NECTIN4: variants seen among roughly 807,000 people sequenced by gnomAD.
NECTIN4 encodes the protein nectin-4.
A neutral mutation model predicts 51.7 loss-of-function variants in NECTIN4; 19 were observed. That is an observed-to-expected ratio of 0.37 (90% CI 0.26 to 0.54). The LOEUF is 0.54. NECTIN4 is among the 20% of genes least tolerant of loss of function. NECTIN4 has a pLI of 0.86. For synonymous variants in NECTIN4, 283 were observed against 286.9 expected (o/e 0.99, Z 0.14); for missense variants, 619 against 662.4 (o/e 0.93, Z 0.72).
intron 3 of NECTIN4, among the ~76,000 whole-genome samples, chr1:161,077,182 C>T (rs1390914009): frequency 6.6e-6 from 1 of 152,208 alleles, no homozygotes; most frequent in Admixed American, 6.5e-5. Flanking sequence ...TTAGAAAGTG[C>T]TTTCAATTCC....
chr1:161,079,388 T>A (rs550141902), intron 2 of NECTIN4, among the ~76,000 whole-genome samples: 1 of 152,328 alleles, frequency 6.6e-6, no homozygotes, highest in African/African-American at 2.4e-5. Context: ...AATAAATGGA[T>A]TCTTCCCCAG....
At chr1:161,074,970 C>G (rs545418624) in intron 4 of NECTIN4, among the ~76,000 whole-genome samples, 1 of 152,196 alleles carries the variant, frequency 6.6e-6, no homozygotes, top group East Asian at 1.9e-4. Context: ...CCACACACAC[C>G]CGGGGAAGAT....
intron 1 of NECTIN4, chr1:161,087,021 G>A (rs1247716354): frequency 1.3e-5 from 2 of 152,324 alleles, no homozygotes; most frequent in Middle Eastern, 3.4e-3. Context: ...CCTAGCTCTC[G>A]GTCTACTGAA....
rs1653592611 is a variant in NECTIN4, at chr1:161,079,795, T to C, written c.234A>G (p.Glu78=). ...CGTATTTGGAGTGCAGTAGCGCTAG[T>C]TCCTGGGCGCCTTCGCCCGCGTCCA... ...ARVDAGEGAQ[E]LALLHSKYGL... The change falls in exon 2 of 9, where the codon GAA becomes GAG. Residue 78 remains glutamate (E), a synonymous_variant. Coordinates refer to ENST00000368012, the MANE Select transcript of NECTIN4 (RefSeq NM_030916.3). 2 of 1,613,268 alleles carry C rather than the reference T, an allele frequency of 1.2e-6. No individual in the cohort carries two copies. The highest frequency in any genetic ancestry group is 1.1e-5 in the South Asian group (1 of 91,094).
rs138257801 is a variant in NECTIN4, at chr1:161,072,717, G to A, written c.1477C>T (p.Arg493Trp). ...NHFVQENGTL[R>W]AKPTGNGIYI... The stretch of plus-strand genomic sequence containing the variant: ...ATGCCATTGCCCGTGGGCTTGGCCC[G>A]TAGGGTCCCATTCTCCTGAACAAAA... Residue 493 changes from arginine (R) to tryptophan (W), a missense_variant, in exon 9 of 9, where the codon CGG (arginine) becomes TGG (tryptophan). By Grantham distance (101) the Arg-to-Trp change is moderately radical. Coordinates refer to ENST00000368012, the MANE Select transcript of NECTIN4 (RefSeq NM_030916.3). 5.6e-5 allele frequency: 91 copies of A among 1,614,210 alleles called. No homozygotes were observed. The Middle Eastern group carries it at 6.6e-4, about 12-fold the overall frequency.
intron 8 of NECTIN4, 43 bp downstream of exon 8, chr1:161,073,182 C>T (rs111652620): frequency 6.4e-7 from 1 of 1,561,306 alleles, no homozygotes; most frequent in South Asian, 1.1e-5. Context: ...GGACAGGGGC[C>T]CGAGGAGAGT....
intron 5 of NECTIN4, 24 bp from the exon 6 acceptor site, chr1:161,074,397 G>A: frequency 6.2e-7 from 1 of 1,613,692 alleles, no homozygotes; most frequent in Non-Finnish European, 8.5e-7. Flanking sequence ...GCCACTGTCT[G>A]AGGTGGAAGC....
chr1:161,075,035 G>A (rs1006750211), intron 4 of NECTIN4, among the ~76,000 whole-genome samples: 2 of 82,952 alleles, frequency 2.4e-5, no homozygotes, highest in African/African-American at 9.2e-5. Context: ...CCAACACTGG[G>A]TACCAGGTAC....
chr1:161,073,261 A>C lies in NECTIN4; in HGVS notation c.1272T>G (p.Pro424=), dbSNP rs1653260516. ...ESVGLRAEGH[P]DSLKDNSSCS... ...AGCTACTGTTGTCCTTGAGACTATC[A>C]GGGTGGCCCTCGGCTCTCAGCCCTA... Residue 424 remains proline (P), a synonymous_variant, in exon 8 of 9, where the codon CCT becomes CCG. Transcript: ENST00000368012. 1 of 1,613,978 alleles carries C rather than the reference A, an allele frequency of 6.2e-7. No individual in the cohort carries two copies. The highest frequency in any genetic ancestry group is 1.3e-5 in the African/African-American group (1 of 74,892).
rs1015351011 is a variant in NECTIN4 at position 161,089,310 on chromosome 1, A to G, written c.-14T>C. The G allele has an allele frequency of 2.5e-6, 4 of 1,606,380 alleles. No homozygotes were observed. The Admixed American group carries it at 6.7e-5, about 27-fold the overall frequency. On this transcript the variant is annotated 5_prime_UTR_variant, in exon 1 of 9. Transcript: ENST00000368012. The surrounding 1 kb of genome is among the most constrained non-coding windows in gnomAD (Gnocchi z 4.1). ...GGACAGGGGCATGGTTGAAAGGCAG[A>G]CTGCCCAGCGTTTCTGAAGTTCCAC...
At chr1:161,085,891 C>T in intron 1 of NECTIN4, among the ~76,000 whole-genome samples, 1 of 152,004 alleles carries the variant, frequency 6.6e-6, no homozygotes, top group African/African-American at 2.4e-5. Flanking sequence ...TGCCGTGTTG[C>T]CCAGGCTGGT....
At chr1:161,072,925 AG>A in intron 8 of NECTIN4, 40 bp from the exon 9 acceptor site, 1 of 1,569,810 alleles carries the variant, frequency 6.4e-7, no homozygotes. Context: ...GAACAAAGGC[AG>A]GGCAGCTGCA....
In NECTIN4 at chr1:161,073,298, G is replaced by A. The variant is rs756865692; in HGVS notation, c.1235C>T (p.Pro412Leu). The change falls in exon 8 of 9, where the codon CCG (proline) becomes CTG (leucine). Residue 412 changes from proline to leucine, a missense_variant and splice_region_variant. Around this residue, in one of 3 missense-constraint regions of NECTIN4, gnomAD observed 364 missense variants for 415.7 expected, o/e 0.88. Coordinates refer to ENST00000368012, the MANE Select transcript of NECTIN4 (RefSeq NM_030916.3). ...HSHHTDPRSQ[P>L]EESVGLRAEG... ...GGCTCTCAGCCCTACACTCTCCTCCGGCTGCAGGGCCCAGACACGGGGCAG... is the reference window on the plus strand; with the variant it reads ...GGCTCTCAGCCCTACACTCTCCTCCAGCTGCAGGGCCCAGACACGGGGCAG... 59 of 1,613,798 alleles carry A rather than the reference G, an allele frequency of 3.7e-5. No homozygotes were observed. The South Asian group carries it at 3.7e-4, about 10-fold the overall frequency.
Position 161,087,328 on chromosome 1 carries a change from TG to T in NECTIN4, c.79+1889del, listed in dbSNP as rs1244725519. 4 of 152,118 alleles carry T rather than the reference TG, an allele frequency of 2.6e-5. No individual in the cohort carries two copies. In the East Asian group the frequency reaches 7.7e-4, roughly 29 times the overall value. 9.4% of individuals were successfully genotyped at this position (152,118 alleles called of 1,614,324 possible). On this transcript the variant is annotated intron_variant, in intron 1 of 8. Transcript: ENST00000368012. ...GGCCTCCTACCAGGTGCCAGCTTCCTGGGGCAATCTGGAGCCAGGCTTCCTC... is the reference window on the plus strand; with the variant it reads ...GGCCTCCTACCAGGTGCCAGCTTCCTGGGCAATCTGGAGCCAGGCTTCCTC...
rs1654100485 is a variant in NECTIN4, at chr1:161,089,457, C to A, written c.-161G>T. On this transcript the variant is annotated 5_prime_UTR_variant, in exon 1 of 9. Coordinates refer to ENST00000368012, the MANE Select transcript of NECTIN4 (RefSeq NM_030916.3). The surrounding 1 kb of genome is among the most constrained non-coding windows in gnomAD (Gnocchi z 4.1). ...CTAGGGGACCCAGCCCCAGCCCCGG[C>A]CCCGTTCTACACACCCAGCCGTAGC... 6 of 679,914 alleles carry A rather than the reference C, an allele frequency of 8.8e-6. No individual in the cohort carries two copies. Among genetic ancestry groups the A allele is most frequent in the Middle Eastern group, 3.9e-4 (1 of 2,574 alleles). 42.1% of individuals were successfully genotyped at this position (679,914 alleles called of 1,614,324 possible). A position where few individuals can be genotyped will look rare whatever the true frequency, so the allele number is the denominator to read the frequency against.
chr1:161,079,621 G>A lies in NECTIN4; in HGVS notation c.408C>T (p.Ser136=). Reference sequence around the variant, plus strand: ...CTCGGAGCCGCAGCCGCGCCTGGAAGCTGCCGGCGGGGAAGGTGCTGACCC... The same window carrying A: ...CTCGGAGCCGCAGCCGCGCCTGGAAACTGCCGGCGGGGAAGGTGCTGACCC... ...ECRVSTFPAG[S]FQARLRLRVL... The change falls in exon 2 of 9, where the codon AGC becomes AGT. Residue 136 remains serine, a synonymous_variant. Coordinates refer to ENST00000368012, the MANE Select transcript of NECTIN4 (RefSeq NM_030916.3). The A allele has an allele frequency of 6.2e-7, 1 of 1,605,334 alleles. No homozygotes were observed. The highest frequency in any genetic ancestry group is 8.5e-7 in the Non-Finnish European group (1 of 1,179,708).
Position 161,077,660 on chromosome 1 carries a change from C to A in NECTIN4, c.523G>T (p.Gly175Cys). 1 of 1,613,480 alleles carries A rather than the reference C, an allele frequency of 6.2e-7. No homozygotes were observed. Among genetic ancestry groups the A allele is most frequent in the Non-Finnish European group, 8.5e-7 (1 of 1,180,024 alleles). ...CAGGTCACGCTGGGGGCTGGGCTGCCCTCAGCTGTGCAGGAGGCTGCCAGG... is the reference window on the plus strand; with the variant it reads ...CAGGTCACGCTGGGGGCTGGGCTGCACTCAGCTGTGCAGGAGGCTGCCAGG... ...LTLAASCTAE[G>C]SPAPSVTWDT... Residue 175 changes from glycine (G) to cysteine (C), a missense_variant, in exon 3 of 9, where the codon GGC (glycine) becomes TGC (cysteine). This residue lies in a region of NECTIN4 where 37 missense variants were observed against 60.3 expected (regional missense o/e 0.61). Coordinates refer to ENST00000368012, the MANE Select transcript of NECTIN4 (RefSeq NM_030916.3).
In NECTIN4 at chr1:161,072,306, C is replaced by A; in HGVS notation, c.*355G>T. ...CCTGACAGTGTTGCCCACGCAACCA[C>A]TCAAATCCCGTGGCACATACACCAC... On this transcript the variant is annotated 3_prime_UTR_variant, in exon 9 of 9. Coordinates refer to ENST00000368012, the MANE Select transcript of NECTIN4 (RefSeq NM_030916.3). The A allele has an allele frequency of 2.5e-6, 1 of 397,286 alleles. No individual in the cohort carries two copies. 24.6% of individuals were successfully genotyped at this position (397,286 alleles called of 1,614,324 possible). A position where few individuals can be genotyped will look rare whatever the true frequency, so the allele number is the denominator to read the frequency against.
rs1571139939 is a variant in NECTIN4 at position 161,071,300 on chromosome 1, T to TTAG, written c.*1358_*1360dup. On this transcript the variant is annotated 3_prime_UTR_variant, in exon 9 of 9. Coordinates refer to ENST00000368012, the MANE Select transcript of NECTIN4 (RefSeq NM_030916.3). Reference sequence around the variant, plus strand: ...GAGAAACATCCAGAAGAGCCTTGAATTAGTGATCCAAAACCCAGGGGGAAA... The same window carrying TTAG: ...GAGAAACATCCAGAAGAGCCTTGAATTAGTAGTGATCCAAAACCCAGGGGGAAA... 1 of 152,158 alleles carries TTAG rather than the reference T, an allele frequency of 6.6e-6. No individual in the cohort carries two copies. Among genetic ancestry groups the TTAG allele is most frequent in the East Asian group, 1.9e-4 (1 of 5,190 alleles). The allele number at this position is 152,158 out of a possible 1,614,324, so 9.4% of individuals were successfully genotyped here. A position where few individuals can be genotyped will look rare whatever the true frequency, so the allele number is the denominator to read the frequency against.
Sources: allele counts gnomAD v4.1 joint callset (sites outside exome capture counted in the v4.1 genomes callset), GRCh38; gene constraint gnomAD v4.1.1; regional missense constraint gnomAD v4.1.1; non-coding constraint Gnocchi (gnomAD v3.1); transcripts MANE v1.5; gene names NCBI Gene and HGNC (gene_info 2026-07-23, HGNC 2026-07-21).